HS6ST3: variants seen among roughly 807,000 people sequenced by gnomAD.
HS6ST3 encodes the protein heparan-sulfate 6-O-sulfotransferase 3.
In HS6ST3, 12 loss-of-function variants were observed where a neutral mutation model predicts 36.7. The ratio of observed to expected loss-of-function variants is 0.33; its 90% confidence interval spans 0.21 to 0.53. The LOEUF is 0.53. Ranked by LOEUF, HS6ST3 falls within the 20% of genes least tolerant of loss-of-function variation. The pLI, the probability that HS6ST3 is intolerant of heterozygous loss-of-function variation, is 0.95. For missense variants in HS6ST3, 584 were observed against 640.9 expected, an observed-to-expected ratio of 0.91 and a Z score of 0.96; for synonymous variants, 240 against 257.5, an observed-to-expected ratio of 0.93 and a Z score of 0.65.
At position 96,425,980 on chromosome 13, in the gene HS6ST3, G is replaced by C. The variant is rs192216996; in HGVS notation, c.707+334411G>C. ...GGTGCTGTGGATGTTTCAAAGGATA[G>C]AGAAAAACAAGTCAGTGCCCCCCGA... On this transcript the variant is annotated intron_variant, in intron 1 of 1. Coordinates refer to ENST00000376705, the MANE Select transcript of HS6ST3 (RefSeq NM_153456.4). 3.4e-4 allele frequency among the ~76,000 whole-genome samples: 51 copies of C among 151,686 alleles called. 1 individual carries two copies. Among genetic ancestry groups the C allele is most frequent in the Admixed American group, 3.3e-3 (50 of 15,232 alleles).
At chr13:96,315,413 G>GT in intron 1 of HS6ST3, among the ~76,000 whole-genome samples, 1 of 152,222 alleles carries the variant, frequency 6.6e-6, no homozygotes, top group African/African-American at 2.4e-5. Flanking sequence ...TACTCAGAGT[G>GT]TAAGAATATG....
chr13:96,112,798 T>G (rs769814306), intron 1 of HS6ST3, among the ~76,000 whole-genome samples: 11 of 150,774 alleles, frequency 7.3e-5, no homozygotes, highest in Non-Finnish European at 1.2e-4. Context: ...ACATGTATAG[T>G]GAAGACAACA....
chr13:96,600,699 G>A (rs2138981998), intron 1 of HS6ST3, among the ~76,000 whole-genome samples: 1 of 151,886 alleles, frequency 6.6e-6, no homozygotes. Context: ...TTCTGCTCCA[G>A]TCATCATAAT....
intron 1 of HS6ST3, among the ~76,000 whole-genome samples, chr13:96,723,219 A>G (rs1875896714): frequency 6.6e-6 from 1 of 152,116 alleles, no homozygotes; most frequent in African/African-American, 2.4e-5. Flanking sequence ...TGAAAGCAGA[A>G]GTTCTGGGTG....
chr13:96,657,722 G>A (rs535342980), intron 1 of HS6ST3, among the ~76,000 whole-genome samples: 1 of 152,190 alleles, frequency 6.6e-6, no homozygotes, highest in South Asian at 2.1e-4. Flanking sequence ...GAGATCCTAC[G>A]GAACCTTACA....
intron 1 of HS6ST3, among the ~76,000 whole-genome samples, chr13:96,459,141 G>T (rs1447277531): frequency 9.2e-6 from 1 of 108,438 alleles, no homozygotes; most frequent in Non-Finnish European, 2.0e-5. Context: ...GACATGAAAA[G>T]CAGTGGAGCA....
At chr13:96,320,831 G>A (rs2054999586) in intron 1 of HS6ST3, among the ~76,000 whole-genome samples, 1 of 152,190 alleles carries the variant, frequency 6.6e-6, no homozygotes, top group Non-Finnish European at 1.5e-5. Context: ...GTTGACTTCG[G>A]TCCTTGGGGA....
chr13:96,467,662 A>C (rs1211739840), intron 1 of HS6ST3, among the ~76,000 whole-genome samples: 1 of 152,212 alleles, frequency 6.6e-6, no homozygotes, highest in East Asian at 1.9e-4. Context: ...CCACAGCATT[A>C]ATCTAGCATT....
intron 1 of HS6ST3, among the ~76,000 whole-genome samples, chr13:96,701,724 C>T (rs1202026988): frequency 2.0e-5 from 3 of 152,064 alleles, no homozygotes; most frequent in African/African-American, 7.2e-5. Flanking sequence ...CTTTGGTAGG[C>T]TGAGGCAAGC....
chr13:96,590,885 G>A (rs753462895), intron 1 of HS6ST3, among the ~76,000 whole-genome samples: 4 of 152,032 alleles, frequency 2.6e-5, no homozygotes, highest in Admixed American at 6.6e-5. Flanking sequence ...AGAGAAAGGG[G>A]CCTAGTTTCA....
intron 1 of HS6ST3, among the ~76,000 whole-genome samples, chr13:96,294,811 GT>G (rs1416122893): frequency 2.0e-5 from 3 of 151,964 alleles, no homozygotes; most frequent in African/African-American, 7.2e-5. Context: ...AATATTTTAG[GT>G]AATAAAAACG....
chr13:96,373,349 A>C (rs1009168512), intron 1 of HS6ST3, among the ~76,000 whole-genome samples: 6 of 152,218 alleles, frequency 3.9e-5, no homozygotes, highest in African/African-American at 1.2e-4. Flanking sequence ...ATTGAAGTAC[A>C]TGATCTTTAA....
chr13:96,342,219 C>T (rs1187489847), intron 1 of HS6ST3, among the ~76,000 whole-genome samples: 1 of 152,016 alleles, frequency 6.6e-6, no homozygotes, highest in Non-Finnish European at 1.5e-5. Context: ...CAAATCATTC[C>T]TTTTCATATT....
chr13:96,731,331 T>C (rs769132524), intron 1 of HS6ST3, among the ~76,000 whole-genome samples: 2 of 152,180 alleles, frequency 1.3e-5, no homozygotes, highest in Non-Finnish European at 2.9e-5. Flanking sequence ...TGAAGTCATG[T>C]GGTATTTGTC....
intron 1 of HS6ST3, among the ~76,000 whole-genome samples, chr13:96,615,489 A>T (rs529621448): frequency 6.6e-6 from 1 of 152,304 alleles, no homozygotes; most frequent in South Asian, 2.1e-4. Flanking sequence ...GGTTTTAATC[A>T]ATCTTGGCCC....
chr13:96,549,159 T>G (rs1481148524), intron 1 of HS6ST3, among the ~76,000 whole-genome samples: 2 of 152,162 alleles, frequency 1.3e-5, no homozygotes, highest in East Asian at 3.9e-4. Flanking sequence ...AGCAGGGGGC[T>G]GGTTTTACTC....
intron 1 of HS6ST3, among the ~76,000 whole-genome samples, chr13:96,125,274 T>C (rs2053945187): frequency 6.6e-6 from 1 of 152,142 alleles, no homozygotes; most frequent in African/African-American, 2.4e-5. Flanking sequence ...GGGGGAAATA[T>C]TTACTTCCAA....
At chr13:96,527,996 G>A (rs112052594) in intron 1 of HS6ST3, among the ~76,000 whole-genome samples, 112 of 152,280 alleles carry the variant, frequency 7.4e-4, no homozygotes, top group African/African-American at 2.4e-3. Flanking sequence ...TATTCTCATT[G>A]CCATTCAGGA....
chr13:96,230,615 C>A lies in HS6ST3; in HGVS notation c.707+139046C>A, dbSNP rs368035596. Among the ~76,000 whole-genome samples the A allele has an allele frequency of 5.3e-5, 8 of 151,884 alleles. No individual in the cohort carries two copies. In the East Asian group the frequency reaches 1.4e-3, roughly 26 times the overall value. On this transcript the variant is annotated intron_variant, in intron 1 of 1. Transcript: ENST00000376705. Reference sequence around the variant, plus strand: ...GTCCAAGGATGGAATTTGGTGAAGACCAATATCTGGGAGGAGCATAGGAGC... The same window carrying A: ...GTCCAAGGATGGAATTTGGTGAAGAACAATATCTGGGAGGAGCATAGGAGC...
Sources: gnomAD v4.1 joint callset for allele counts (sites outside exome capture counted in the v4.1 genomes callset) on GRCh38, gnomAD v4.1.1 for gene constraint, MANE v1.5 for transcripts, NCBI Gene and HGNC (gene_info 2026-07-23, HGNC 2026-07-21) for gene names.